Variants in PDE4D observed in about 807,000 individuals in gnomAD.
PDE4D encodes 3',5'-cyclic-AMP phosphodiesterase 4D.
Under a neutral mutation model 87.4 loss-of-function variants are expected in PDE4D, and 24 were observed. The observed-to-expected ratio is 0.27, with a 90% confidence interval of 0.20 to 0.39. The LOEUF is 0.39. PDE4D is among the 10% of genes least tolerant of loss of function. The pLI, the probability that PDE4D is intolerant of heterozygous loss-of-function variation, is 1.00. For missense variants in PDE4D, 714 were observed against 1,041.0 expected (o/e 0.69, Z 4.32); for synonymous variants, 384 against 383.2 (o/e 1.00, Z -0.02).
chr5:60,122,245 G>T (rs1029788400), intron 2 of PDE4D, among the ~76,000 whole-genome samples: 1 of 152,170 alleles, frequency 6.6e-6, no homozygotes, highest in Non-Finnish European at 1.5e-5. Flanking sequence ...GGGTCTGAAG[G>T]CTGTGGCCCT....
At chr5:60,237,018 T>C (rs781290525) in intron 1 of PDE4D, among the ~76,000 whole-genome samples, 2 of 151,910 alleles carry the variant, frequency 1.3e-5, no homozygotes, top group African/African-American at 4.8e-5. Context: ...ATCAGAGAAA[T>C]GCAAATTAAG....
At chr5:60,055,800 C>T (rs77453620) in intron 2 of PDE4D, among the ~76,000 whole-genome samples, 10,585 of 152,126 alleles carry the variant, frequency 0.07, 450 homozygotes, top group South Asian at 0.16. Flanking sequence ...TAACCACTAC[C>T]ATATCCACTC....
At chr5:59,584,014 C>T (rs1357009249) in intron 1 of PDE4D, among the ~76,000 whole-genome samples, 2 of 152,174 alleles carry the variant, frequency 1.3e-5, no homozygotes, top group Non-Finnish European at 2.9e-5. Context: ...TGATCGGTCC[C>T]TTCACGAAGA....
chr5:59,039,079 G>A (rs1299077379), intron 5 of PDE4D, 108 bp from the exon 6 acceptor site: 1 of 1,485,492 alleles, frequency 6.7e-7, no homozygotes, highest in East Asian at 2.6e-5. Context: ...CGGATGCCCG[G>A]TGCCGGCACA....
chr5:58,991,118 T>C (rs902742861), intron 8 of PDE4D, among the ~76,000 whole-genome samples: 2 of 151,862 alleles, frequency 1.3e-5, no homozygotes, highest in African/African-American at 4.8e-5. Context: ...CCATCTCCAC[T>C]AAAAATAAAA....
chr5:60,425,216 A>G (rs1001588936), intron 1 of PDE4D, among the ~76,000 whole-genome samples: 5 of 152,180 alleles, frequency 3.3e-5, no homozygotes, highest in Non-Finnish European at 7.4e-5. Flanking sequence ...AAAAGAGCCC[A>G]CGTTGCCAAG....
At chr5:59,789,729 C>T (rs1438826712) in intron 1 of PDE4D, among the ~76,000 whole-genome samples, 2 of 152,148 alleles carry the variant, frequency 1.3e-5, no homozygotes, top group African/African-American at 2.4e-5. Flanking sequence ...TGAAGGTCTT[C>T]ATATTTAATG....
At chr5:60,480,180 CA>C (rs1234486078) in intron 1 of PDE4D, among the ~76,000 whole-genome samples, 1 of 151,978 alleles carries the variant, frequency 6.6e-6, no homozygotes, top group African/African-American at 2.4e-5. Context: ...ACAGAAGAAA[CA>C]AAGATACAGG....
chr5:59,746,685 TCTC>T (rs1291220122), intron 1 of PDE4D, among the ~76,000 whole-genome samples: 1 of 151,944 alleles, frequency 6.6e-6, no homozygotes, highest in Non-Finnish European at 1.5e-5. Flanking sequence ...ATCAGCAAAA[TCTC>T]CTTATGCTCC....
At chr5:60,318,876 C>A (rs1755911706) in intron 1 of PDE4D, among the ~76,000 whole-genome samples, 1 of 152,264 alleles carries the variant, frequency 6.6e-6, no homozygotes, top group African/African-American at 2.4e-5. Context: ...ATGGGCTTCC[C>A]TTTGTGGGTA....
chr5:59,094,453 G>A (rs1298026957), intron 5 of PDE4D, among the ~76,000 whole-genome samples: 2 of 151,900 alleles, frequency 1.3e-5, no homozygotes, highest in Non-Finnish European at 2.9e-5. Context: ...AGAAAGAACA[G>A]AGAAAATAGA....
At position 60,402,122 on chromosome 5, in the gene PDE4D, G is replaced by A. The variant is rs539894876; in HGVS notation, c.-90+85820C>T. Among the ~76,000 whole-genome samples the A allele has an allele frequency of 5.9e-5, 9 of 152,302 alleles. No homozygotes were observed. The South Asian group carries it at 8.3e-4, about 14-fold the overall frequency. ...TCTCAGAGTAGATGGGGCCACTGGT[G>A]GTGATTGTTTCTTTGTTCCAGCAAT... On this transcript the variant is annotated intron_variant, in intron 1 of 16. Transcript: ENST00000502484.
chr5:59,990,941 A>G (rs1762947121), intron 2 of PDE4D, among the ~76,000 whole-genome samples: 2 of 152,108 alleles, frequency 1.3e-5, no homozygotes, highest in African/African-American at 4.8e-5. Context: ...TCCAAACCCA[A>G]ATCTCTTCTA....
At chr5:60,103,535 T>C (rs1055830730) in intron 2 of PDE4D, among the ~76,000 whole-genome samples, 3 of 152,180 alleles carry the variant, frequency 2.0e-5, no homozygotes, top group African/African-American at 7.2e-5. Flanking sequence ...TGAGCCAAAC[T>C]GTTACCATTG....
At chr5:59,193,882 G>A (rs1468323463) in intron 2 of PDE4D, 1 of 577,922 alleles carries the variant, frequency 1.7e-6, no homozygotes, top group Admixed American at 6.3e-5. Flanking sequence ...AGTAAGGGGT[G>A]CTGTGGAAGG....
At chr5:59,337,424 C>T (rs1254424630) in intron 1 of PDE4D, among the ~76,000 whole-genome samples, 3 of 148,790 alleles carry the variant, frequency 2.0e-5, no homozygotes, top group African/African-American at 5.0e-5. Flanking sequence ...CTCCGTCCCC[C>T]GGGGTTCACG....
At chr5:59,780,561 A>G (rs978520568) in intron 1 of PDE4D, among the ~76,000 whole-genome samples, 3 of 152,198 alleles carry the variant, frequency 2.0e-5, no homozygotes, top group Non-Finnish European at 4.4e-5. Flanking sequence ...CCTATAATAA[A>G]GATAGATTGT....
At chr5:60,454,911 G>A (rs565722608) in intron 1 of PDE4D, among the ~76,000 whole-genome samples, 2 of 152,006 alleles carry the variant, frequency 1.3e-5, no homozygotes, top group Non-Finnish European at 2.9e-5. Flanking sequence ...AAGAGAGAAG[G>A]GGTGGGGGAA....
intron 1 of PDE4D, among the ~76,000 whole-genome samples, chr5:59,825,832 C>A (rs1249050435): frequency 1.3e-5 from 2 of 152,130 alleles, no homozygotes; most frequent in Non-Finnish European, 2.9e-5. Context: ...TCCTGAGAAT[C>A]AGCAGCTGGG....
Sources: gnomAD v4.1 joint callset for allele counts (sites outside exome capture counted in the v4.1 genomes callset) on GRCh38, gnomAD v4.1.1 for gene constraint, MANE v1.5 for transcripts, NCBI Gene and HGNC (gene_info 2026-07-23, HGNC 2026-07-21) for gene names.